DCPS: variants seen among roughly 807,000 people sequenced by gnomAD.
DCPS encodes m7GpppX diphosphatase.
In DCPS, 27 loss-of-function variants were observed where a neutral mutation model predicts 34.7. That is an observed-to-expected ratio of 0.78 (90% CI 0.57 to 1.07). DCPS has a LOEUF of 1.07. Among genes scored for constraint, DCPS ranks in the 50% least tolerant of loss-of-function variants. The probability of loss-of-function intolerance (pLI) is 0.00; values close to 1 mark genes in which losing one functional copy is unlikely to be tolerated. For synonymous variants in DCPS, 185 were observed against 185.7 expected (o/e 1.00, Z 0.03); for missense variants, 464 against 436.9 (o/e 1.06, Z -0.55).
In DCPS at chr11:126,322,147, T is replaced by C. The variant is rs571526968; in HGVS notation, c.377-9258T>C. On this transcript the variant is annotated intron_variant, in intron 2 of 5. Transcript: ENST00000263579. This position sits in a 1 kb window ranked among gnomAD's most constrained non-coding sequence, Gnocchi z 4.2. ...GCACAATGGATGAAGATAAAACCAC[T>C]TTGAGATCCAACCACACCATCAGGG... 1.9e-4 allele frequency among the ~76,000 whole-genome samples: 29 copies of C among 152,292 alleles called. No homozygotes were observed. Among genetic ancestry groups the C allele is most frequent in the African/African-American group, 7.0e-4 (29 of 41,564 alleles).
Position 126,338,144 on chromosome 11 carries a change from T to C in DCPS, c.523-142T>C. On this transcript the variant is annotated intron_variant, in intron 3 of 5. Coordinates refer to ENST00000263579, the MANE Select transcript of DCPS (RefSeq NM_014026.6). The surrounding 1 kb of genome is among the most constrained non-coding windows in gnomAD (Gnocchi z 5.4). Reference sequence around the variant, plus strand: ...ATGCTTGGGGACAGGGCAGCCCGGATGTAGATCCTCTGAGCGTGGCGGCCT... The same window carrying C: ...ATGCTTGGGGACAGGGCAGCCCGGACGTAGATCCTCTGAGCGTGGCGGCCT... 2 of 711,902 alleles carry C rather than the reference T, an allele frequency of 2.8e-6. No homozygotes were observed. Among genetic ancestry groups the C allele is most frequent in the East Asian group, 5.4e-5 (2 of 36,918 alleles). The allele number at this position is 711,902 out of a possible 1,614,324, so 44.1% of individuals were successfully genotyped here. A position where few individuals can be genotyped will look rare whatever the true frequency, so the allele number is the denominator to read the frequency against.
rs1420687717 is a variant in DCPS, at chr11:126,349,067, T to G, written c.*3454T>G. Among the ~76,000 whole-genome samples the G allele has an allele frequency of 3.3e-5, 5 of 152,266 alleles. No homozygotes were observed. The highest frequency in any genetic ancestry group is 1.3e-4 in the Admixed American group (2 of 15,274). ...CCAGAGCTAGGCTCTGAATGAGGCC[T>G]CCTGGATCTCACGCAGGGGATGGAG... On this transcript the variant is annotated 3_prime_UTR_variant, in exon 6 of 6. Transcript: ENST00000263579. This position sits in a 1 kb window ranked among gnomAD's most constrained non-coding sequence, Gnocchi z 5.4.
Position 126,346,053 on chromosome 11 carries a change from C to T in DCPS, c.*440C>T, listed in dbSNP as rs1951925048. ...CTCCTTTGAGGAGTTCCCCAAAAAA[C>T]CAAACTTGGAAGCTTTCAGGAAATT... is the stretch of plus-strand genomic sequence containing the variant. On this transcript the variant is annotated 3_prime_UTR_variant, in exon 6 of 6. Transcript: ENST00000263579. The surrounding 1 kb of genome is among the most constrained non-coding windows in gnomAD (Gnocchi z 4.1). 6.6e-6 allele frequency among the ~76,000 whole-genome samples: 1 copy of T among 152,176 alleles called. No individual in the cohort carries two copies. The highest frequency in any genetic ancestry group is 6.5e-5 in the Admixed American group (1 of 15,278).
In DCPS at chr11:126,332,216, G is replaced by T. The variant is rs562152706; in HGVS notation, c.522+666G>T. Among the ~76,000 whole-genome samples the T allele has an allele frequency of 1.3e-5, 2 of 152,192 alleles. No homozygotes were observed. Among genetic ancestry groups the T allele is most frequent in the African/African-American group, 4.8e-5 (2 of 41,448 alleles). Reference sequence around the variant, plus strand: ...AAGAAGGCAGGACCCCATTGGCCCCGGGGATTTGGTGCAGGGACTCCATTC... The same window carrying T: ...AAGAAGGCAGGACCCCATTGGCCCCTGGGATTTGGTGCAGGGACTCCATTC... On this transcript the variant is annotated intron_variant, in intron 3 of 5. Transcript: ENST00000263579. This position sits in a 1 kb window ranked among gnomAD's most constrained non-coding sequence, Gnocchi z 5.4.
At position 126,325,094 on chromosome 11, in the gene DCPS, C is replaced by T. The variant is rs184141474; in HGVS notation, c.377-6311C>T. Among the ~76,000 whole-genome samples, 182 of 152,062 alleles carry T rather than the reference C, an allele frequency of 1.2e-3. No individual in the cohort carries two copies. Among genetic ancestry groups the T allele is most frequent in the African/African-American group, 3.7e-3 (155 of 41,508 alleles). ...GCTACTCACTCGGGTTGCTGAGGCACGAGAATCGCTTGAACCCAGGAGGTG... is the reference window on the plus strand; with the variant it reads ...GCTACTCACTCGGGTTGCTGAGGCATGAGAATCGCTTGAACCCAGGAGGTG... On this transcript the variant is annotated intron_variant, in intron 2 of 5. Coordinates refer to ENST00000263579, the MANE Select transcript of DCPS (RefSeq NM_014026.6). This position sits in a 1 kb window ranked among gnomAD's most constrained non-coding sequence, Gnocchi z 4.3.
At chr11:126,341,049 A>C (rs543528218) in intron 4 of DCPS, 3 of 152,292 alleles carry the variant, frequency 2.0e-5, no homozygotes, top group African/African-American at 7.2e-5. Flanking sequence ...GTCTCTGGTA[A>C]CCTTTCTATA....
chr11:126,332,048 G>A lies in DCPS; in HGVS notation c.522+498G>A, dbSNP rs1169725831. On this transcript the variant is annotated intron_variant, in intron 3 of 5. Coordinates refer to ENST00000263579, the MANE Select transcript of DCPS (RefSeq NM_014026.6). This position sits in a 1 kb window ranked among gnomAD's most constrained non-coding sequence, Gnocchi z 5.4. The stretch of plus-strand genomic sequence containing the variant: ...GACTGTGCCATTGCTTTGGGTCCAT[G>A]AATGGGTAAAAGGCTGATGTTGAGT... Among the ~76,000 whole-genome samples, 1 of 152,208 alleles carries A rather than the reference G, an allele frequency of 6.6e-6. No individual in the cohort carries two copies. Among genetic ancestry groups the A allele is most frequent in the Non-Finnish European group, 1.5e-5 (1 of 68,042 alleles).
chr11:126,304,372 G>C (rs1951546235), intron 1 of DCPS, 91 bp downstream of exon 1: 1 of 1,446,648 alleles, frequency 6.9e-7, no homozygotes, highest in South Asian at 1.2e-5. Context: ...ATCTCGGCTG[G>C]AAAATACCAA....
intron 2 of DCPS, among the ~76,000 whole-genome samples, chr11:126,318,120 G>T (rs968838259): frequency 5.9e-5 from 9 of 152,320 alleles, no homozygotes; most frequent in African/African-American, 1.9e-4. Context: ...TGTACAAGAA[G>T]CCTGTCAGAT....
At chr11:126,304,783 G>C (rs998560496) in intron 1 of DCPS, among the ~76,000 whole-genome samples, 1 of 152,194 alleles carries the variant, frequency 6.6e-6, no homozygotes, top group Non-Finnish European at 1.5e-5. Flanking sequence ...CTAGGTACTG[G>C]GGATGTGGAG....
At chr11:126,311,514 G>A (rs1951618208) in intron 2 of DCPS, among the ~76,000 whole-genome samples, 1 of 152,236 alleles carries the variant, frequency 6.6e-6, no homozygotes, top group Non-Finnish European at 1.5e-5. Context: ...GCAGGAGAGA[G>A]CCTACTCAGA....
In DCPS at chr11:126,342,087, C is replaced by T. The variant is rs1951879742; in HGVS notation, c.637-1220C>T. On this transcript the variant is annotated intron_variant, in intron 4 of 5. Transcript: ENST00000263579. The surrounding 1 kb of genome is among the most constrained non-coding windows in gnomAD (Gnocchi z 4.4). ...TGGTAGCTCAGACTGCAGGGCAGGG[C>T]ACTGCTGGGTTCTCCCCGTGCCTGG... 6.6e-6 allele frequency: 1 copy of T among 152,238 alleles called. No individual in the cohort carries two copies. The highest frequency in any genetic ancestry group is 6.5e-5 in the Admixed American group (1 of 15,286). 9.4% of individuals were successfully genotyped at this position (152,238 alleles called of 1,614,324 possible).
At chr11:126,343,503 C>A (rs1951894019) in intron 5 of DCPS, 86 bp downstream of exon 5, 1 of 1,111,504 alleles carries the variant, frequency 9.0e-7, no homozygotes, top group Non-Finnish European at 1.3e-6. Context: ...CCTCACCTTT[C>A]CCAGAGTCCA....
At position 126,334,488 on chromosome 11, in the gene DCPS, C is replaced by T. The variant is rs545148687; in HGVS notation, c.522+2938C>T. Reference sequence around the variant, plus strand: ...CCTCCCAAGTAGCTGGGATTACAGGCGCCCGCCACTATGCTGGGCTAATTT... The same window carrying T: ...CCTCCCAAGTAGCTGGGATTACAGGTGCCCGCCACTATGCTGGGCTAATTT... On this transcript the variant is annotated intron_variant, in intron 3 of 5. Transcript: ENST00000263579. The surrounding 1 kb of genome is among the most constrained non-coding windows in gnomAD (Gnocchi z 5.5). 2.6e-5 allele frequency among the ~76,000 whole-genome samples: 4 copies of T among 152,024 alleles called. No homozygotes were observed. The highest frequency in any genetic ancestry group is 6.6e-5 in the Admixed American group (1 of 15,266).
rs116202345 is a variant in DCPS, at chr11:126,349,704, T to C, written c.*4091T>C. 3.8e-3 allele frequency among the ~76,000 whole-genome samples: 586 copies of C among 152,374 alleles called. 2 individuals are homozygous for C. The highest frequency in any genetic ancestry group is 0.013 in the African/African-American group (548 of 41,590). Reference sequence around the variant, plus strand: ...TTTATTGATGTAGGTCTGCCAACTCTTCCTTCTCAGGAAGGACTGTTTTTA... The same window carrying C: ...TTTATTGATGTAGGTCTGCCAACTCCTCCTTCTCAGGAAGGACTGTTTTTA... On this transcript the variant is annotated 3_prime_UTR_variant, in exon 6 of 6. Coordinates refer to ENST00000263579, the MANE Select transcript of DCPS (RefSeq NM_014026.6). This position sits in a 1 kb window ranked among gnomAD's most constrained non-coding sequence, Gnocchi z 5.4.
At chr11:126,341,577 T>C (rs992626546) in intron 4 of DCPS, 1 of 152,152 alleles carries the variant, frequency 6.6e-6, no homozygotes, top group South Asian at 2.1e-4. Context: ...GTGTTTGTGA[T>C]TTGTCAGCAG....
At chr11:126,306,847 A>G (rs1951573197) in intron 2 of DCPS, 103 bp downstream of exon 2, 3 of 1,343,314 alleles carry the variant, frequency 2.2e-6, no homozygotes, top group East Asian at 2.4e-5. Flanking sequence ...TGCATATTCT[A>G]GTACAATAGG....
chr11:126,330,447 T>C (rs991626018), intron 2 of DCPS, among the ~76,000 whole-genome samples: 2 of 152,082 alleles, frequency 1.3e-5, no homozygotes, highest in African/African-American at 4.8e-5. Flanking sequence ...GTAATTGACT[T>C]GTTTAATCCT....
At chr11:126,304,596 G>A (rs1951547990) in intron 1 of DCPS, among the ~76,000 whole-genome samples, 1 of 152,116 alleles carries the variant, frequency 6.6e-6, no homozygotes, top group South Asian at 2.1e-4. Flanking sequence ...TATGTATACA[G>A]GGACTAGGAA....
Sources: gnomAD v4.1 joint callset for allele counts (sites outside exome capture counted in the v4.1 genomes callset) on GRCh38, gnomAD v4.1.1 for gene constraint, Gnocchi (gnomAD v3.1) non-coding constraint, MANE v1.5 for transcripts, NCBI Gene and HGNC (gene_info 2026-07-23, HGNC 2026-07-21) for gene names.